The following SPRY3 variants were observed in gnomAD, a reference collection of about 807,000 sequenced individuals.
SPRY3 encodes sprouty RTK signaling antagonist 3.
A neutral mutation model predicts 20.2 loss-of-function variants in SPRY3; 15 were observed. The observed-to-expected ratio is 0.74, with a 90% CI of 0.50 to 1.14. The LOEUF (loss-of-function observed/expected upper bound fraction) is 1.14. Among genes scored for constraint, SPRY3 ranks in the 50% most tolerant of loss-of-function variants. The pLI is 0.00. For missense variants in SPRY3, 364 were observed against 363.9 expected (o/e 1.00, Z 0.00); for synonymous variants, 143 against 136.5 (o/e 1.05, Z -0.33).
At chrX:155,682,785 G>T in intron 2 of SPRY3, among the ~76,000 whole-genome samples, 1 of 112,393 alleles carries the variant, frequency 8.9e-6, no homozygotes, top group East Asian at 2.8e-4. Flanking sequence ...TGATTCCACT[G>T]AAGTATCTGG....
Position 155,656,072 on chromosome X carries a change from G to A in SPRY3, c.-440-795G>A, listed in dbSNP as rs781906833. On this transcript the variant is annotated intron_variant, in intron 1 of 3. Coordinates refer to ENST00000675360, the Ensembl canonical transcript of SPRY3. ...ACCTTGGGGAATCTGACAATTATGT[G>A]TCTTGGGGTTGCTCTTCTTGAGGAA... Among the ~76,000 whole-genome samples, 7 of 111,253 alleles carry A rather than the reference G, an allele frequency of 6.3e-5. No homozygotes were observed. The South Asian group carries it at 1.9e-3, about 30-fold the overall frequency.
intron 2 of SPRY3, among the ~76,000 whole-genome samples, chrX:155,659,146 T>TCTTTCTTTC (rs1244207787): frequency 9.4e-6 from 1 of 106,590 alleles, no homozygotes. Flanking sequence ...TTTCTTTCTT[T>TCTTTCTTTC]CTTTCTTTCT....
intron 2 of SPRY3, among the ~76,000 whole-genome samples, chrX:155,673,826 A>G (rs2068051582): frequency 8.9e-6 from 1 of 112,229 alleles, no homozygotes; most frequent in African/African-American, 3.2e-5. Context: ...CGATTCCACC[A>G]TCAATGCACA....
At chrX:155,737,788 C>T (rs887512011) in intron 2 of SPRY3, among the ~76,000 whole-genome samples, 2 of 151,934 alleles carry the variant, frequency 1.3e-5, no homozygotes, top group Non-Finnish European at 2.9e-5. Flanking sequence ...AGAATTTATC[C>T]TGAGGTAAGT....
chrX:155,616,272 T>C (rs1231624605), intron 1 of SPRY3, among the ~76,000 whole-genome samples: 1 of 109,596 alleles, frequency 9.1e-6, no homozygotes, highest in African/African-American at 3.3e-5. Flanking sequence ...GACACCTTCC[T>C]AGATTTTCAT....
chrX:155,634,497 A>G (rs1569562413), intron 1 of SPRY3, among the ~76,000 whole-genome samples: 1 of 111,602 alleles, frequency 9.0e-6, no homozygotes, highest in Non-Finnish European at 1.9e-5. Flanking sequence ...TTGACTCACC[A>G]TATACCAAAT....
intron 2 of SPRY3, among the ~76,000 whole-genome samples, chrX:155,754,505 G>A (rs1252151156): frequency 1.3e-5 from 2 of 151,874 alleles, no homozygotes; most frequent in African/African-American, 4.8e-5. Flanking sequence ...ATTGTAGTAA[G>A]CTTTGAAGTC....
At chrX:155,719,967 A>AG (rs1569385493) in intron 2 of SPRY3, among the ~76,000 whole-genome samples, 1 of 152,080 alleles carries the variant, frequency 6.6e-6, no homozygotes, top group Non-Finnish European at 1.5e-5. Context: ...CTCAGCCACA[A>AG]GGGGGTGAAG....
intron 2 of SPRY3, among the ~76,000 whole-genome samples, chrX:155,688,530 A>G (rs1455913746): frequency 1.8e-5 from 2 of 110,343 alleles, no homozygotes; most frequent in African/African-American, 6.6e-5. Context: ...TTTCTTCAAA[A>G]CCTTTCCAGC....
At chrX:155,779,367 G>A (rs1311296423), downstream of SPRY3, 1 of 166,956 alleles carries the variant, frequency 6.0e-6, no homozygotes, top group African/African-American at 2.4e-5. Flanking sequence ...GTAAGTTAGA[G>A]ATAACCTACC....
At chrX:155,687,070 C>T (rs754575867) in intron 2 of SPRY3, among the ~76,000 whole-genome samples, 6 of 112,664 alleles carry the variant, frequency 5.3e-5, no homozygotes, top group Non-Finnish European at 9.4e-5. Flanking sequence ...CTGCTATTTA[C>T]TTTTTAGCAT....
intron 2 of SPRY3, among the ~76,000 whole-genome samples, chrX:155,685,788 AGATGGAGTCTTGCTCCGTCGCCAG>A (rs776532202): frequency 1.2e-3 from 133 of 110,792 alleles, no homozygotes; most frequent in Non-Finnish European, 2.0e-3. Context: ...TTGTTTTTTG[AGATGGAGTCTTGCTCCGTCGCCAG>A]GATGGAGTGC....
chrX:155,660,378 T>C (rs1028360775), intron 2 of SPRY3, among the ~76,000 whole-genome samples: 4 of 112,174 alleles, frequency 3.6e-5, no homozygotes, highest in Non-Finnish European at 7.5e-5. Context: ...CATTGCGGTC[T>C]GAGAAGATAT....
chrX:155,744,501 C>T (rs184678497), intron 2 of SPRY3, among the ~76,000 whole-genome samples: 7 of 152,128 alleles, frequency 4.6e-5, no homozygotes, highest in African/African-American at 1.7e-4. Flanking sequence ...AGTGTGGTGT[C>T]GGTTTCACTT....
At chrX:155,623,393 A>G (rs1381422789) in intron 1 of SPRY3, among the ~76,000 whole-genome samples, 4 of 112,055 alleles carry the variant, frequency 3.6e-5, no homozygotes, top group Admixed American at 2.8e-4. Context: ...GCCATATCAT[A>G]TTGAAATACA....
chrX:155,728,731 C>T (rs2091115348), intron 2 of SPRY3, among the ~76,000 whole-genome samples: 1 of 152,160 alleles, frequency 6.6e-6, no homozygotes. Context: ...CTTCCCTTGG[C>T]TATGAAAGGG....
chrX:155,679,009 G>C (rs1273904224), intron 2 of SPRY3, among the ~76,000 whole-genome samples: 1 of 110,632 alleles, frequency 9.0e-6, no homozygotes, highest in Non-Finnish European at 1.9e-5. Context: ...AGATCACTTG[G>C]ACACAGAGCG....
downstream of SPRY3, chrX:155,776,923 A>C (rs888600588): frequency 1.8e-5 from 3 of 167,044 alleles, no homozygotes; most frequent in Non-Finnish European, 2.9e-5. Flanking sequence ...ATTTTTGTAT[A>C]TATAAATATG....
chrX:155,763,915 G>A (rs142751202), intron 2 of SPRY3, among the ~76,000 whole-genome samples: 12 of 152,166 alleles, frequency 7.9e-5, no homozygotes, highest in African/African-American at 1.2e-4. Flanking sequence ...CTGAACAACC[G>A]GTTACTACAA....
Sources: gnomAD v4.1 joint callset for allele counts (sites outside exome capture counted in the v4.1 genomes callset) on GRCh38, gnomAD v4.1.1 for gene constraint, MANE v1.5 for transcripts, NCBI Gene and HGNC (gene_info 2026-07-23, HGNC 2026-07-21) for gene names.